Variants in CRPPA observed in about 807,000 individuals in gnomAD.
The protein encoded by CRPPA is D-ribitol-5-phosphate cytidylyltransferase.
A neutral mutation model predicts 52.0 loss-of-function variants in CRPPA; 43 were observed. The observed-to-expected ratio is 0.83, with a 90% CI of 0.65 to 1.07. The LOEUF (loss-of-function observed/expected upper bound fraction) is 1.07, where lower values mean the gene tolerates loss of function less well. Ranked by LOEUF, CRPPA falls within the 50% of genes least tolerant of loss-of-function variation. The probability of loss-of-function intolerance (pLI) is 0.00; values close to 1 mark genes in which losing one functional copy is unlikely to be tolerated. For synonymous variants in CRPPA, 250 were observed against 203.5 expected, an observed-to-expected ratio of 1.23 and a Z score of -1.94; for missense variants, 629 against 551.7, an observed-to-expected ratio of 1.14 and a Z score of -1.40.
At chr7:16,259,460 A>AT (rs1032095618) in intron 6 of CRPPA, among the ~76,000 whole-genome samples, 2 of 152,024 alleles carry the variant, frequency 1.3e-5, no homozygotes, top group African/African-American at 4.8e-5. Flanking sequence ...GTAAGAAATC[A>AT]TCACAACAAT....
At chr7:16,188,282 G>A (rs1429889346) in intron 9 of CRPPA, among the ~76,000 whole-genome samples, 1 of 151,908 alleles carries the variant, frequency 6.6e-6, no homozygotes, top group Non-Finnish European at 1.5e-5. Flanking sequence ...AAATAACTTT[G>A]TCCTATTTTA....
rs749908745 is a variant in CRPPA at position 16,089,368 on chromosome 7, ATG to A, written c.*2325_*2326del. 11,746 of 304,028 alleles carry A rather than the reference ATG, an allele frequency of 0.039. 1,681 individuals are homozygous for A. Among genetic ancestry groups the A allele is most frequent in the East Asian group, 0.34 (3,843 of 11,462 alleles). The allele number at this position is 304,028 out of a possible 1,614,324, so 18.8% of individuals were successfully genotyped here. On this transcript the variant is annotated 3_prime_UTR_variant, in exon 10 of 10. Coordinates refer to ENST00000407010, the MANE Select transcript of CRPPA (RefSeq NM_001101426.4). ...CGTACGTATATACATACATACATGC[ATG>A]TACATATATACGTATATATGTATGT...
At chr7:16,180,883 T>A (rs983025833) in intron 9 of CRPPA, among the ~76,000 whole-genome samples, 1 of 152,082 alleles carries the variant, frequency 6.6e-6, no homozygotes, top group South Asian at 2.1e-4. Flanking sequence ...GTGACTAAGA[T>A]GGCTGAACTT....
intron 4 of CRPPA, among the ~76,000 whole-genome samples, chr7:16,303,718 C>A (rs150470215): frequency 2.2e-4 from 34 of 152,134 alleles, no homozygotes; most frequent in Admixed American, 9.8e-4. Flanking sequence ...TGCTGGATAA[C>A]TATATAAAAA....
chr7:16,378,267 C>G (rs183246368), intron 2 of CRPPA, among the ~76,000 whole-genome samples: 2,051 of 107,072 alleles, frequency 0.019, 72 homozygotes, highest in African/African-American at 0.07. Flanking sequence ...CCCCTCCCCC[C>G]ACCCCACAAC....
chr7:16,377,190 A>T (rs1167305589), intron 2 of CRPPA, among the ~76,000 whole-genome samples: 1 of 152,184 alleles, frequency 6.6e-6, no homozygotes, highest in African/African-American at 2.4e-5. Flanking sequence ...TGTATGAGCC[A>T]AAGAGACGGT....
intron 8 of CRPPA, among the ~76,000 whole-genome samples, chr7:16,253,502 G>C (rs947624466): frequency 6.6e-6 from 1 of 152,152 alleles, no homozygotes; most frequent in African/African-American, 2.4e-5. Context: ...TTTTACATTT[G>C]CTGAGGAGTA....
chr7:16,263,756 T>TAAA (rs59366655), intron 6 of CRPPA, among the ~76,000 whole-genome samples: 1 of 138,650 alleles, frequency 7.2e-6, no homozygotes, highest in African/African-American at 2.7e-5. Flanking sequence ...CATTTCAAAA[T>TAAA]AAAAAAAAAA....
At chr7:16,366,005 G>T (rs1351423533) in intron 3 of CRPPA, among the ~76,000 whole-genome samples, 2 of 152,272 alleles carry the variant, frequency 1.3e-5, no homozygotes, top group Non-Finnish European at 1.5e-5. Flanking sequence ...ATCTCAGACT[G>T]CATAGTTTAT....
chr7:16,369,993 G>T (rs1369774334), intron 3 of CRPPA, among the ~76,000 whole-genome samples: 1 of 152,186 alleles, frequency 6.6e-6, no homozygotes, highest in Admixed American at 6.5e-5. Flanking sequence ...ACCCAGAGCT[G>T]GACTGGATTT....
At chr7:16,198,736 T>C (rs1225642628) in intron 9 of CRPPA, among the ~76,000 whole-genome samples, 1 of 150,526 alleles carries the variant, frequency 6.6e-6, no homozygotes, top group Admixed American at 6.6e-5. Context: ...TTTTTTTTTT[T>C]AAGAAACGGT....
chr7:16,314,573 T>G (rs1053858478), intron 3 of CRPPA, among the ~76,000 whole-genome samples: 2 of 152,106 alleles, frequency 1.3e-5, no homozygotes, highest in Admixed American at 6.6e-5. Context: ...GGAGAAGATT[T>G]TGAACATTTT....
chr7:16,292,254 A>G (rs1196628664), intron 5 of CRPPA, among the ~76,000 whole-genome samples: 1 of 151,980 alleles, frequency 6.6e-6, no homozygotes, highest in East Asian at 1.9e-4. Flanking sequence ...AGAAGACAAT[A>G]TCCTCAAATA....
intron 9 of CRPPA, among the ~76,000 whole-genome samples, chr7:16,151,615 A>C (rs1196385941): frequency 1.3e-5 from 2 of 152,052 alleles, no homozygotes; most frequent in Non-Finnish European, 2.9e-5. Flanking sequence ...AATAAAATTG[A>C]TTATCTTCTT....
At chr7:16,238,222 G>GT (rs1299887446) in intron 8 of CRPPA, among the ~76,000 whole-genome samples, 1 of 151,984 alleles carries the variant, frequency 6.6e-6, no homozygotes, top group Non-Finnish European at 1.5e-5. Flanking sequence ...GTAAGATGCT[G>GT]TTTTTTTAAA....
At chr7:16,284,473 T>C (rs1233137078) in intron 5 of CRPPA, among the ~76,000 whole-genome samples, 14 of 152,078 alleles carry the variant, frequency 9.2e-5, no homozygotes, top group African/African-American at 2.2e-4. Flanking sequence ...AGAACATAAA[T>C]TGAAATAACT....
chr7:16,376,202 T>C lies in CRPPA; in HGVS notation c.574A>G (p.Ser192Gly), dbSNP rs1489859022. The C allele has an allele frequency of 1.2e-6, 2 of 1,612,882 alleles. No individual in the cohort carries two copies. Among genetic ancestry groups the C allele is most frequent in the Non-Finnish European group, 1.7e-6 (2 of 1,179,454 alleles). Residue 192 changes from serine (S) to glycine (G), a missense_variant, in exon 3 of 10, where the codon AGT (serine) becomes GGT (glycine). Transcript: ENST00000407010. ...TCTAAGCAACCATCAGCAGATGGACTGACGACAGTAGATACAAGAGGTCGA... is the reference window on the plus strand; with the variant it reads ...TCTAAGCAACCATCAGCAGATGGACCGACGACAGTAGATACAAGAGGTCGA... The part of the protein sequence containing the change: ...AIRPLVSTVV[S>G]PSADGCLDYS...
chr7:16,254,792 G>GAAAGAAAGAAGGAAAGAAA (rs1783573898), intron 8 of CRPPA, among the ~76,000 whole-genome samples: 60 of 101,756 alleles, frequency 5.9e-4, no homozygotes, highest in Non-Finnish European at 9.9e-4. Context: ...AAAGAAAGAA[G>GAAAGAAAGAAGGAAAGAAA]GAAAGAAAGA....
intron 9 of CRPPA, among the ~76,000 whole-genome samples, chr7:16,124,949 C>A (rs1038264665): frequency 6.6e-6 from 1 of 151,764 alleles, no homozygotes; most frequent in Non-Finnish European, 1.5e-5. Flanking sequence ...TTTTTGAAAC[C>A]AAATCACGCT....
Sources: allele counts gnomAD v4.1 joint callset (sites outside exome capture counted in the v4.1 genomes callset), GRCh38; gene constraint gnomAD v4.1.1; transcripts MANE v1.5; gene names NCBI Gene and HGNC (gene_info 2026-07-23, HGNC 2026-07-21).